Variants in ERAP1 observed in about 807,000 individuals in gnomAD.
The protein encoded by ERAP1 is adipocyte-derived leucine aminopeptidase.
In ERAP1, 86 loss-of-function variants were observed where a neutral mutation model predicts 103.7. The observed-to-expected ratio is 0.83, with a 90% CI of 0.70 to 0.99. The LOEUF (loss-of-function observed/expected upper bound fraction) is 0.99, where lower values mean the gene tolerates loss of function less well. Among genes scored for constraint, ERAP1 ranks in the 50% least tolerant of loss-of-function variants. The pLI, the probability that ERAP1 is intolerant of heterozygous loss-of-function variation, is 0.00. For missense variants in ERAP1, 1,009 were observed against 1,128.4 expected (o/e 0.89, Z 1.52); for synonymous variants, 398 against 402.4 (o/e 0.99, Z 0.13).
At chr5:96,914,387 C>T in the ERAP1 span, among the ~76,000 whole-genome samples, 2 of 152,200 alleles carry the variant, frequency 1.3e-5, no homozygotes, top group African/African-American at 4.8e-5. Context: ...AAGCAAAAAG[C>T]ACATTTCCAC....
chr5:96,762,586 A>AC, exon 20 of ERAP1: 1 of 458,822 alleles, frequency 2.2e-6, no homozygotes, highest in Non-Finnish European at 3.9e-6. Context: ...AAAACATTGT[A>AC]CACATAGTCA....
chr5:96,880,183 G>A, the ERAP1 span: 1 of 1,613,992 alleles, frequency 6.2e-7, no homozygotes, highest in Non-Finnish European at 8.5e-7. Flanking sequence ...ATGTGGCTAT[G>A]GACTTCCAAG....
chr5:96,766,977 C>T (rs1770228378), intron 19 of ERAP1, among the ~76,000 whole-genome samples: 1 of 152,130 alleles, frequency 6.6e-6, no homozygotes, highest in Admixed American at 6.5e-5. Flanking sequence ...CTGCTAGAGC[C>T]CTTCCCACTT....
In ERAP1 at chr5:96,790,367, T is replaced by C. The variant is rs199837380; in HGVS notation, c.1453A>G (p.Ile485Val). The C allele has an allele frequency of 6.2e-7, 1 of 1,613,938 alleles. No homozygotes were observed. The highest frequency in any genetic ancestry group is 2.2e-5 in the East Asian group (1 of 44,860). ...CCTTTTACACCATCTGTAGGGCAAATCTAAAAACCAAAAATAAACACATCA... is the reference window on the plus strand; with the variant it reads ...CCTTTTACACCATCTGTAGGGCAAACCTAAAAACCAAAAATAAACACATCA... Reference protein sequence around the residue: ...NEDLWDSMASICPTDGVKGMD... With the variant: ...NEDLWDSMASVCPTDGVKGMD... Residue 485 changes from isoleucine to valine, a missense_variant and splice_region_variant, in exon 10 of 19, where the codon ATT becomes GTT. Physicochemically the swap from Ile to Val is conservative, Grantham distance 29 (BLOSUM62 3). Coordinates refer to ENST00000443439, the MANE Select transcript of ERAP1 (RefSeq NM_001040458.3).
intron 14 of ERAP1, 83 bp from the exon 15 acceptor site, chr5:96,783,318 A>G: frequency 1.5e-6 from 2 of 1,294,066 alleles, no homozygotes. Context: ...GTCTCAGATG[A>G]TGGGGGCTAA....
the ERAP1 span, chr5:96,909,618 G>A: frequency 6.2e-7 from 1 of 1,614,148 alleles, no homozygotes; most frequent in South Asian, 1.1e-5. Context: ...TGATTGACAG[G>A]CAAAGCTGGA....
chr5:96,903,382 C>T, the ERAP1 span: 9 of 1,611,202 alleles, frequency 5.6e-6, no homozygotes, highest in African/African-American at 1.1e-4. Flanking sequence ...CTTAGATACT[C>T]TGGATCTACC....
At chr5:96,884,064 ATCT>A in the ERAP1 span, 4 of 631,994 alleles carry the variant, frequency 6.3e-6, no homozygotes, top group Non-Finnish European at 7.8e-6. Flanking sequence ...CTATCTATCT[ATCT>A]ATCTATCTAT....
chr5:96,885,010 C>T, the ERAP1 span, among the ~76,000 whole-genome samples: 12 of 152,138 alleles, frequency 7.9e-5, no homozygotes, highest in African/African-American at 2.4e-4. Context: ...ACCCCATACA[C>T]GTCTATTTAA....
intron 11 of ERAP1, among the ~76,000 whole-genome samples, chr5:96,787,422 T>C (rs168674): frequency 0.62 from 94,526 of 151,550 alleles, 29,706 homozygotes; most frequent in Non-Finnish European, 0.66. Context: ...CCCGCCACCA[T>C]GCCCGGCTAA....
chr5:96,773,394 C>G (rs116955038), downstream of ERAP1: 39 of 152,808 alleles, frequency 2.6e-4, no homozygotes, highest in East Asian at 7.3e-3. Context: ...GAAATAAAAT[C>G]TAATTAATTC....
At chr5:96,923,567 G>A in the ERAP1 span, among the ~76,000 whole-genome samples, 22 of 151,446 alleles carry the variant, frequency 1.5e-4, no homozygotes, top group Admixed American at 6.6e-5. Flanking sequence ...AGTGGCGGGC[G>A]CCCGTAGTCC....
At chr5:96,880,600 C>G in the ERAP1 span, among the ~76,000 whole-genome samples, 1 of 152,056 alleles carries the variant, frequency 6.6e-6, no homozygotes, top group South Asian at 2.1e-4. Flanking sequence ...TCATCTGGGA[C>G]CAGAAGGAAA....
chr5:96,822,220 C>T, the ERAP1 span, among the ~76,000 whole-genome samples: 1 of 152,194 alleles, frequency 6.6e-6, no homozygotes, highest in Non-Finnish European at 1.5e-5. Flanking sequence ...GCTATTACAG[C>T]ACCTCCTAAC....
At chr5:96,918,530 A>G in the ERAP1 span, 1 of 152,204 alleles carries the variant, frequency 6.6e-6, no homozygotes, top group Non-Finnish European at 1.5e-5. Flanking sequence ...AGAGCATTCC[A>G]AATGAATGGT....
chr5:96,842,478 A>G, the ERAP1 span, among the ~76,000 whole-genome samples: 1 of 152,168 alleles, frequency 6.6e-6, no homozygotes, highest in African/African-American at 2.4e-5. Flanking sequence ...GATCATGGCC[A>G]TTCTTGAAAA....
At chr5:96,845,380 G>A in the ERAP1 span, among the ~76,000 whole-genome samples, 1 of 152,054 alleles carries the variant, frequency 6.6e-6, no homozygotes, top group East Asian at 1.9e-4. Context: ...GATTACAGGT[G>A]CACACCATCA....
the ERAP1 span, among the ~76,000 whole-genome samples, chr5:96,856,365 T>TATATATATAGAGAGAGAGAGAGAGAGAG: frequency 2.0e-4 from 4 of 20,392 alleles, no homozygotes; most frequent in Non-Finnish European, 4.4e-4. Flanking sequence ...TATATATATA[T>TATATATATAGAGAGAGAGAGAGAGAGAG]AGAGAGAGAG....
chr5:96,769,836 CTG>C (rs1771597324), downstream of ERAP1: 1 of 149,354 alleles, frequency 6.7e-6, no homozygotes, highest in Non-Finnish European at 1.5e-5. Context: ...ACTTTTCTTT[CTG>C]TGTCTGGCTT....
Sources: gnomAD v4.1 joint callset for allele counts (sites outside exome capture counted in the v4.1 genomes callset) on GRCh38, gnomAD v4.1.1 for gene constraint, MANE v1.5 for transcripts, NCBI Gene and HGNC (gene_info 2026-07-23, HGNC 2026-07-21) for gene names.